The following SCFD2 variants were observed in gnomAD, a reference collection of about 807,000 sequenced individuals.
SCFD2 encodes the protein sec1 family domain containing 2.
In SCFD2, 54 loss-of-function variants were observed where a neutral mutation model predicts 58.9. The ratio of observed to expected loss-of-function variants is 0.92; its 90% CI spans 0.74 to 1.15. The LOEUF (loss-of-function observed/expected upper bound fraction) is 1.15. SCFD2 is among the 50% of genes most tolerant of loss of function. The pLI, the probability that SCFD2 is intolerant of heterozygous loss-of-function variation, is 0.00. For missense variants in SCFD2, 805 were observed against 836.6 expected (o/e 0.96, Z 0.47); for synonymous variants, 321 against 335.9 (o/e 0.96, Z 0.49).
intron 5 of SCFD2, among the ~76,000 whole-genome samples, chr4:53,118,788 C>T (rs1341786417): frequency 6.6e-6 from 1 of 152,078 alleles, no homozygotes; most frequent in Non-Finnish European, 1.5e-5. Context: ...CCTGCTTCTG[C>T]CTTTTAACTG....
At chr4:53,065,554 T>C (rs1408115906) in intron 5 of SCFD2, among the ~76,000 whole-genome samples, 1 of 152,092 alleles carries the variant, frequency 6.6e-6, no homozygotes, top group Non-Finnish European at 1.5e-5. Flanking sequence ...CATAAAGACA[T>C]TAATTGTTAT....
intron 8 of SCFD2, among the ~76,000 whole-genome samples, chr4:52,885,455 T>C (rs1372869891): frequency 1.3e-5 from 2 of 152,134 alleles, no homozygotes; most frequent in African/African-American, 4.8e-5. Context: ...AGAGTTTCCA[T>C]TTAAGGCTCA....
chr4:53,234,585 G>C (rs901306712), intron 4 of SCFD2, among the ~76,000 whole-genome samples: 1 of 152,074 alleles, frequency 6.6e-6, no homozygotes, highest in African/African-American at 2.4e-5. Flanking sequence ...CTTTATCTGG[G>C]ACTTTTTTGA....
chr4:53,115,245 A>G (rs1317219273), intron 5 of SCFD2, among the ~76,000 whole-genome samples: 3 of 152,150 alleles, frequency 2.0e-5, no homozygotes, highest in Non-Finnish European at 4.4e-5. Context: ...TTGGAGCACA[A>G]GAAGGAGAAA....
intron 7 of SCFD2, among the ~76,000 whole-genome samples, chr4:52,891,072 C>T (rs1577801920): frequency 6.6e-6 from 1 of 152,054 alleles, no homozygotes; most frequent in East Asian, 1.9e-4. Context: ...GGTACTAAGC[C>T]TAGGAAGCAC....
At chr4:53,180,094 A>C (rs191346267) in intron 4 of SCFD2, among the ~76,000 whole-genome samples, 3 of 152,182 alleles carry the variant, frequency 2.0e-5, no homozygotes, top group African/African-American at 7.2e-5. Flanking sequence ...CAGAACAACG[A>C]GACAGAAAGT....
At chr4:53,023,365 G>A (rs2170690) in intron 5 of SCFD2, among the ~76,000 whole-genome samples, 147,447 of 152,178 alleles carry the variant, frequency 0.97, 71,593 homozygotes, top group Middle Eastern at 1. Context: ...CCAAAGGTAC[G>A]CTTTGGAAAA....
chr4:53,247,645 G>A lies in SCFD2; in HGVS notation c.1311+26181C>T, dbSNP rs193293039. 1.9e-3 allele frequency among the ~76,000 whole-genome samples: 282 copies of A among 151,204 alleles called. 9 individuals are homozygous for A. In the East Asian group the frequency reaches 0.048, roughly 26 times the overall value. On this transcript the variant is annotated intron_variant, in intron 4 of 8. Coordinates refer to ENST00000401642, the MANE Select transcript of SCFD2 (RefSeq NM_152540.4). ...GAGGCCGAGGCGGGTGGATCATGAGGTCAGGAGATCGAGACCATCCTGGCT... is the reference window on the plus strand; with the variant it reads ...GAGGCCGAGGCGGGTGGATCATGAGATCAGGAGATCGAGACCATCCTGGCT...
chr4:53,304,126 C>A (rs559421828), intron 3 of SCFD2, among the ~76,000 whole-genome samples: 6 of 151,556 alleles, frequency 4.0e-5, no homozygotes, highest in Admixed American at 1.3e-4. Flanking sequence ...AAAGAAAATT[C>A]TTTTCTTTAA....
intron 5 of SCFD2, among the ~76,000 whole-genome samples, chr4:53,098,237 A>C (rs935070368): frequency 1.3e-5 from 2 of 152,170 alleles, no homozygotes; most frequent in African/African-American, 4.8e-5. Flanking sequence ...TCATAAAATG[A>C]GTTAGGGAGG....
intron 5 of SCFD2, among the ~76,000 whole-genome samples, chr4:53,068,972 T>A (rs990722275): frequency 6.6e-6 from 1 of 151,996 alleles, no homozygotes; most frequent in African/African-American, 2.4e-5. Flanking sequence ...AATATTACAA[T>A]GTGTCATTGG....
At chr4:53,329,085 G>C (rs1733326425) in intron 2 of SCFD2, among the ~76,000 whole-genome samples, 1 of 152,242 alleles carries the variant, frequency 6.6e-6, no homozygotes, top group East Asian at 1.9e-4. Flanking sequence ...ACCTGGCTCA[G>C]AGGGTCCTAC....
intron 5 of SCFD2, among the ~76,000 whole-genome samples, chr4:53,101,024 C>T (rs1360122192): frequency 6.6e-6 from 1 of 152,076 alleles, no homozygotes; most frequent in Non-Finnish European, 1.5e-5. Flanking sequence ...TCAAATGCGT[C>T]GATGGAGACA....
chr4:53,342,441 C>A (rs976365325), intron 2 of SCFD2, among the ~76,000 whole-genome samples: 1 of 152,108 alleles, frequency 6.6e-6, no homozygotes, highest in Non-Finnish European at 1.5e-5. Context: ...AATACAGGAG[C>A]ACCCAGATTC....
chr4:53,150,866 A>G (rs1385854436), intron 4 of SCFD2, among the ~76,000 whole-genome samples: 2 of 152,254 alleles, frequency 1.3e-5, no homozygotes, highest in Admixed American at 6.5e-5. Context: ...AGACTCAAAT[A>G]TAAGATGATG....
chr4:53,123,920 G>T lies in SCFD2; in HGVS notation c.1561+21413C>A, dbSNP rs1486439633. ...AGGTGATTCTGGCTTGCAGAATGGT[G>T]CTTGGAAACCACTCCATCTAGAGGA... On this transcript the variant is annotated intron_variant, in intron 5 of 8. Transcript: ENST00000401642. Among the ~76,000 whole-genome samples the T allele has an allele frequency of 5.3e-5, 8 of 152,284 alleles. 1 individual carries two copies. Among genetic ancestry groups the T allele is most frequent in the East Asian group, 3.9e-4 (2 of 5,178 alleles).
intron 2 of SCFD2, among the ~76,000 whole-genome samples, chr4:53,324,151 T>A (rs1341267524): frequency 1.3e-5 from 2 of 152,172 alleles, no homozygotes; most frequent in African/African-American, 4.8e-5. Flanking sequence ...GCACAATGGC[T>A]CACACCTATA....
At chr4:53,290,164 C>A (rs1323470838) in intron 3 of SCFD2, among the ~76,000 whole-genome samples, 1 of 152,084 alleles carries the variant, frequency 6.6e-6, no homozygotes, top group Non-Finnish European at 1.5e-5. Context: ...CTAACAGCAA[C>A]AGAATAATAT....
chr4:53,272,250 T>C (rs1731193059), intron 4 of SCFD2, among the ~76,000 whole-genome samples: 1 of 151,664 alleles, frequency 6.6e-6, no homozygotes, highest in African/African-American at 2.4e-5. Flanking sequence ...TTTTACACTG[T>C]TGGCACTGTA....
Sources: allele counts gnomAD v4.1 joint callset (sites outside exome capture counted in the v4.1 genomes callset), GRCh38; gene constraint gnomAD v4.1.1; transcripts MANE v1.5; gene names NCBI Gene and HGNC (gene_info 2026-07-23, HGNC 2026-07-21).